GALNT13: variants seen among roughly 807,000 people sequenced by gnomAD.
GALNT13 encodes polypeptide N-acetylgalactosaminyltransferase 13, also known as UDP-GalNAc:polypeptide N-acetylgalactosaminyltransferase 13.
In GALNT13, 28 loss-of-function variants were observed where a neutral mutation model predicts 64.2. The observed-to-expected ratio is 0.44, with a 90% CI of 0.32 to 0.60. The LOEUF (loss-of-function observed/expected upper bound fraction) is 0.60. Ranked by LOEUF, GALNT13 falls within the 20% of genes least tolerant of loss-of-function variation. GALNT13 has a pLI of 0.05. For missense variants in GALNT13, 577 were observed against 669.8 expected (o/e 0.86, Z 1.53); for synonymous variants, 214 against 224.6 (o/e 0.95, Z 0.42).
At chr2:153,308,936 A>G in the GALNT13 span, among the ~76,000 whole-genome samples, 3 of 152,194 alleles carry the variant, frequency 2.0e-5, no homozygotes, top group African/African-American at 7.2e-5. Flanking sequence ...AATTTTTTTT[A>G]GATTAGATCT....
At chr2:154,427,997 CT>C (rs1020300424) in intron 11 of GALNT13, among the ~76,000 whole-genome samples, 3 of 152,118 alleles carry the variant, frequency 2.0e-5, no homozygotes, top group Admixed American at 1.3e-4. Flanking sequence ...ACAGTTATCT[CT>C]TTGATTTCAA....
intron 3 of GALNT13, among the ~76,000 whole-genome samples, chr2:153,970,039 C>T (rs1201744645): frequency 6.6e-6 from 1 of 152,140 alleles, no homozygotes; most frequent in Non-Finnish European, 1.5e-5. Context: ...GTGTTTACTA[C>T]GTAGCATGCC....
chr2:153,474,030 G>A, the GALNT13 span, among the ~76,000 whole-genome samples: 3 of 152,268 alleles, frequency 2.0e-5, no homozygotes, highest in Non-Finnish European at 4.4e-5. Flanking sequence ...GTTAAAAACT[G>A]TCATCTACTC....
At chr2:154,241,938 G>A in intron 4 of GALNT13, 92 bp from the exon 5 acceptor site, 1 of 699,704 alleles carries the variant, frequency 1.4e-6, no homozygotes, top group Middle Eastern at 3.5e-4. Context: ...GGGCTTTCAA[G>A]TCTGAAGTTG....
upstream of GALNT13, among the ~76,000 whole-genome samples, chr2:153,866,992 T>G (rs1685778739): frequency 6.6e-6 from 1 of 152,198 alleles, no homozygotes; most frequent in Admixed American, 6.5e-5. Flanking sequence ...TATCCATGGA[T>G]TTTATCAAAT....
At chr2:154,304,845 A>C (rs1478267529) in intron 9 of GALNT13, among the ~76,000 whole-genome samples, 4 of 152,192 alleles carry the variant, frequency 2.6e-5, no homozygotes, top group Non-Finnish European at 5.9e-5. Flanking sequence ...ACTTTTGGGG[A>C]ATGTGTTGAA....
At chr2:153,574,011 T>A in the GALNT13 span, among the ~76,000 whole-genome samples, 1 of 152,218 alleles carries the variant, frequency 6.6e-6, no homozygotes, top group African/African-American at 2.4e-5. Flanking sequence ...CTTTAGTATT[T>A]CTTGCAGGAT....
intron 1 of GALNT13, among the ~76,000 whole-genome samples, chr2:153,882,863 C>A (rs1955152): frequency 0.53 from 79,708 of 150,688 alleles, 22,161 homozygotes; most frequent in East Asian, 0.94. Flanking sequence ...TCATTCTTAA[C>A]TACATAAAAC....
At chr2:153,582,862 T>C in the GALNT13 span, among the ~76,000 whole-genome samples, 1 of 152,330 alleles carries the variant, frequency 6.6e-6, no homozygotes, top group African/African-American at 2.4e-5. Flanking sequence ...TTACTGGCTG[T>C]AGGTTTGCAA....
chr2:153,584,287 A>G, the GALNT13 span, among the ~76,000 whole-genome samples: 1 of 152,082 alleles, frequency 6.6e-6, no homozygotes, highest in East Asian at 1.9e-4. Flanking sequence ...GCCTGGTCCA[A>G]TTTCACTGCT....
chr2:153,664,045 G>A, the GALNT13 span, among the ~76,000 whole-genome samples: 1 of 152,122 alleles, frequency 6.6e-6, no homozygotes, highest in African/African-American at 2.4e-5. Flanking sequence ...TTACTGATGA[G>A]GTTCCATGTC....
the GALNT13 span, among the ~76,000 whole-genome samples, chr2:153,616,942 A>T: frequency 1.3e-5 from 2 of 151,990 alleles, no homozygotes; most frequent in African/African-American, 4.8e-5. Context: ...AGTACCAGAT[A>T]TATAAAGCAA....
chr2:154,033,677 C>T (rs958849793), intron 3 of GALNT13, among the ~76,000 whole-genome samples: 8 of 152,092 alleles, frequency 5.3e-5, no homozygotes, highest in South Asian at 2.1e-4. Context: ...TGGTGGCTTA[C>T]GCCTGTAATC....
intron 3 of GALNT13, among the ~76,000 whole-genome samples, chr2:154,070,306 G>A (rs559754905): frequency 2.6e-5 from 4 of 152,234 alleles, no homozygotes; most frequent in Admixed American, 1.3e-4. Flanking sequence ...ATTATGTAAA[G>A]TGATTTCTAA....
chr2:153,789,025 T>A, the GALNT13 span, among the ~76,000 whole-genome samples: 1 of 152,074 alleles, frequency 6.6e-6, no homozygotes, highest in Admixed American at 6.6e-5. Context: ...CCCACTGACA[T>A]TATTAGACAG....
At chr2:154,066,173 T>C (rs1574439463) in intron 3 of GALNT13, among the ~76,000 whole-genome samples, 1 of 151,562 alleles carries the variant, frequency 6.6e-6, no homozygotes, top group East Asian at 1.9e-4. Context: ...AAATACACAA[T>C]CACAGCAGAC....
chr2:154,218,255 G>A (rs1291535301), intron 4 of GALNT13, among the ~76,000 whole-genome samples: 1 of 152,086 alleles, frequency 6.6e-6, no homozygotes, highest in Non-Finnish European at 1.5e-5. Flanking sequence ...TTGAACAGGT[G>A]ATTCCCTATA....
chr2:153,637,099 G>A, the GALNT13 span, among the ~76,000 whole-genome samples: 1 of 152,080 alleles, frequency 6.6e-6, no homozygotes, highest in Non-Finnish European at 1.5e-5. Context: ...AAGGTCTGAA[G>A]CTCCATTTTA....
intron 3 of GALNT13, among the ~76,000 whole-genome samples, chr2:154,009,562 C>T (rs1056121206): frequency 2.0e-5 from 3 of 150,064 alleles, no homozygotes; most frequent in Non-Finnish European, 4.4e-5. Flanking sequence ...ATGATCTCGG[C>T]TGACTGCAAC....
Sources: gnomAD v4.1 joint callset for allele counts (sites outside exome capture counted in the v4.1 genomes callset) on GRCh38, gnomAD v4.1.1 for gene constraint, MANE v1.5 for transcripts, NCBI Gene and HGNC (gene_info 2026-07-23, HGNC 2026-07-21) for gene names.